Variants in TRIM7 observed in about 807,000 individuals in gnomAD.
TRIM7 encodes the protein tripartite motif containing 7, also known as E3 ubiquitin-protein ligase TRIM7.
A neutral mutation model predicts 37.9 loss-of-function variants in TRIM7; 32 were observed. The ratio of observed to expected loss-of-function variants is 0.84; its 90% CI spans 0.64 to 1.13. The LOEUF (loss-of-function observed/expected upper bound fraction) is 1.13, where lower values mean the gene tolerates loss of function less well. Among genes scored for constraint, TRIM7 ranks in the 50% most tolerant of loss-of-function variants. TRIM7 has a pLI of 0.00. For missense variants in TRIM7, 732 were observed against 714.0 expected, an observed-to-expected ratio of 1.03 and a Z score of -0.29; for synonymous variants, 351 against 321.3, an observed-to-expected ratio of 1.09 and a Z score of -0.99.
chr5:181,204,129 C>T (rs929873795), intron 1 of TRIM7: 7 of 999,250 alleles, frequency 7.0e-6, no homozygotes, highest in African/African-American at 3.5e-5. Context: ...GAGCCCCCTC[C>T]CTGGACATCT....
At chr5:181,197,932 G>C (rs183673346) in intron 6 of TRIM7, 79 of 550,232 alleles carry the variant, frequency 1.4e-4, no homozygotes, top group African/African-American at 1.2e-3. Context: ...GCCTTTCCCA[G>C]TCTGAGTATC....
chr5:181,204,876 G>C lies in TRIM7; in HGVS notation c.235C>G (p.Pro79Ala). The C allele has an allele frequency of 7.4e-7, 1 of 1,357,562 alleles. No individual in the cohort carries two copies. Among genetic ancestry groups the C allele is most frequent in the Non-Finnish European group, 9.4e-7 (1 of 1,065,082 alleles). 84.1% of individuals were successfully genotyped at this position (1,357,562 alleles called of 1,614,324 possible). ...TRAPPFPLPC[P>A]QCREPARPSQ... ...GGGCGCGCGGGCTCGCGGCACTGCGGACAGGGCAGTGGGAAGGGGGGCGCG... is the reference window on the plus strand; with the variant it reads ...GGGCGCGCGGGCTCGCGGCACTGCGCACAGGGCAGTGGGAAGGGGGGCGCG... The change falls in exon 1 of 7, where the codon CCG becomes GCG. Residue 79 changes from proline to alanine, a missense_variant. Pro to Ala is a conservative substitution (Grantham distance 27, BLOSUM62 -1). Transcript: ENST00000274773.
rs1333904586 is a variant in TRIM7, at chr5:181,195,562, G to A, written c.1140C>T (p.Phe380=). 1.2e-6 allele frequency: 2 copies of A among 1,610,460 alleles called. No homozygotes were observed. The highest frequency in any genetic ancestry group is 2.2e-5 in the South Asian group (2 of 90,912). Residue 380 remains phenylalanine (F), a synonymous_variant, in exon 7 of 7, where the codon TTC becomes TTT. Coordinates refer to ENST00000274773, the MANE Select transcript of TRIM7 (RefSeq NM_203293.3). The part of the protein sequence containing the change: ...AQDLPNHPCR[F]DTNTRVLASC... ...ACGCCAGGACGCGGGTGTTGGTGTCGAAGCGGCAGGGGTGGTTGGGCAGGT... is the reference window on the plus strand; with the variant it reads ...ACGCCAGGACGCGGGTGTTGGTGTCAAAGCGGCAGGGGTGGTTGGGCAGGT...
In TRIM7 at chr5:181,203,584, C is replaced by T. The variant is rs760180048; in HGVS notation, c.579G>A (p.Val193=). The T allele has an allele frequency of 4.3e-6, 7 of 1,614,154 alleles. No individual in the cohort carries two copies. Residue 193 remains valine (V), a synonymous_variant, in exon 2 of 7, where the codon GTG becomes GTA. Coordinates refer to ENST00000274773, the MANE Select transcript of TRIM7 (RefSeq NM_203293.3). ...TCTCCTTCTTTTCCGTGGACCGGAA[C>T]ACCTCACAGTCCTCCAGTTCCTTCT... The part of the protein sequence containing the change: ...VLKKELEDCE[V]FRSTEKKESK...
At chr5:181,198,579 C>A in intron 5 of TRIM7, 111 bp downstream of exon 5, 1 of 786,730 alleles carries the variant, frequency 1.3e-6, no homozygotes, top group South Asian at 1.5e-5. Flanking sequence ...GCACAGCCAG[C>A]TCCTATTTTC....
intron 6 of TRIM7, chr5:181,196,881 AGGT>A (rs1757156208): frequency 2.0e-5 from 3 of 152,184 alleles, no homozygotes; most frequent in Admixed American, 2.0e-4. Context: ...AGTTAAGGCC[AGGT>A]GTAGAGGCTC....
In TRIM7 at chr5:181,204,323, C is replaced by A. The variant is rs1025092006; in HGVS notation, c.522+266G>T. Reference sequence around the variant, plus strand: ...CAGACAGGAAGAACATCGCCAAGTCCGTGGGGGACGTCGCGCAGGCGGCCC... The same window carrying A: ...CAGACAGGAAGAACATCGCCAAGTCAGTGGGGGACGTCGCGCAGGCGGCCC... On this transcript the variant is annotated intron_variant, in intron 1 of 6. Coordinates refer to ENST00000274773, the MANE Select transcript of TRIM7 (RefSeq NM_203293.3). 1.4e-4 allele frequency: 166 copies of A among 1,181,426 alleles called. No individual in the cohort carries two copies. The Admixed American group carries it at 1.6e-3, about 11-fold the overall frequency. The allele number at this position is 1,181,426 out of a possible 1,614,324, so 73.2% of individuals were successfully genotyped here.
chr5:181,199,257 A>T, intron 3 of TRIM7, 140 bp from the exon 4 acceptor site: 1 of 922,066 alleles, frequency 1.1e-6, no homozygotes, highest in Non-Finnish European at 1.7e-6. Flanking sequence ...CGTGGGCCTC[A>T]GGGGCAGCAG....
chr5:181,203,748 G>T, intron 1 of TRIM7, 108 bp from the exon 2 acceptor site: 1 of 1,491,866 alleles, frequency 6.7e-7, no homozygotes, highest in South Asian at 1.4e-5. Context: ...TGCTCACTGA[G>T]GGGGAGGCCG....
rs1296085259 is a variant in TRIM7, at chr5:181,204,951, C to T, written c.160G>A (p.Gly54Arg). The change falls in exon 1 of 7, where the codon GGG becomes AGG. Residue 54 changes from glycine to arginine, a missense_variant. Physicochemically the swap from Gly to Arg is moderately radical, Grantham distance 125 (BLOSUM62 -2). Transcript: ENST00000274773. ...GCGCCCGGGCGCTCCCAGCAGCGCCCTATGCAGGCGCGGCAGAAGCTGTGG... is the reference window on the plus strand; with the variant it reads ...GCGCCCGGGCGCTCCCAGCAGCGCCTTATGCAGGCGCGGCAGAAGCTGTGG... ...CGHSFCRACI[G>R]RCWERPGAGS... 2.7e-6 allele frequency: 4 copies of T among 1,461,098 alleles called. No homozygotes were observed. The East Asian group carries it at 1.2e-4, about 43-fold the overall frequency. 90.5% of individuals were successfully genotyped at this position (1,461,098 alleles called of 1,614,324 possible). A position where few individuals can be genotyped will look rare whatever the true frequency, so the allele number is the denominator to read the frequency against.
chr5:181,201,639 C>T (rs571012127), intron 2 of TRIM7, among the ~76,000 whole-genome samples: 1 of 152,334 alleles, frequency 6.6e-6, no homozygotes, highest in Non-Finnish European at 1.5e-5. Flanking sequence ...TAGTAGTGCA[C>T]ACCTGTAGTC....
Position 181,200,003 on chromosome 5 carries a change from G to A in TRIM7, c.697C>T (p.Arg233Trp), listed in dbSNP as rs1472073947. Reference sequence around the variant, plus strand: ...AGTTCCTCCAGGCGGCCTAGCAGCCGACCCTCCTGCTCCACCAGGAAAGCC... The same window carrying A: ...AGTTCCTCCAGGCGGCCTAGCAGCCAACCCTCCTGCTCCACCAGGAAAGCC... ...LRAFLVEQEG[R>W]LLGRLEELSR... Residue 233 changes from arginine (R) to tryptophan (W), a missense_variant, in exon 3 of 7, where the codon CGG becomes TGG. Physicochemically the swap from Arg to Trp is moderately radical, Grantham distance 101 (BLOSUM62 -3). Coordinates refer to ENST00000274773, the MANE Select transcript of TRIM7 (RefSeq NM_203293.3). 3.1e-6 allele frequency: 5 copies of A among 1,614,114 alleles called. No individual in the cohort carries two copies. The highest frequency in any genetic ancestry group is 2.2e-5 in the East Asian group (1 of 44,900).
rs1234874567 is a variant in TRIM7 at position 181,199,825 on chromosome 5, C to G, written c.849+26G>C. 10 of 1,597,530 alleles carry G rather than the reference C, an allele frequency of 6.3e-6. 1 individual carries two copies. Among genetic ancestry groups the G allele is most frequent in the South Asian group, 2.3e-5 (2 of 87,870 alleles). On this transcript the variant is annotated intron_variant, in intron 3 of 6. Coordinates refer to ENST00000274773, the MANE Select transcript of TRIM7 (RefSeq NM_203293.3). ...TCCTGATGCCTTAGGATAAATGACT[C>G]GAGCCCCTGGCTGAGCCAGACTTAC...
chr5:181,195,349 C>A lies in TRIM7; in HGVS notation c.1353G>T (p.Ser451=), dbSNP rs200771114. The change falls in exon 7 of 7, where the codon TCG becomes TCT. Residue 451 remains serine, a synonymous_variant. Coordinates refer to ENST00000274773, the MANE Select transcript of TRIM7 (RefSeq NM_203293.3). ...GCGACAGGTGCCCGCAGCTGAGGGGCGACCGCTCGGGGCTGGTCACGGCCC... is the reference window on the plus strand; with the variant it reads ...GCGACAGGTGCCCGCAGCTGAGGGGAGACCGCTCGGGGCTGGTCACGGCCC... ...QYWAVTSPER[S]PLSCGHLSRV... is the part of the protein sequence containing the mutation. 8 of 1,581,716 alleles carry A rather than the reference C, an allele frequency of 5.1e-6. No homozygotes were observed. In the East Asian group the frequency reaches 1.9e-4, roughly 37 times the overall value.
chr5:181,198,584 A>G (rs753070208), intron 5 of TRIM7, 106 bp downstream of exon 5: 21 of 820,914 alleles, frequency 2.6e-5, no homozygotes, highest in Middle Eastern at 6.2e-4. Context: ...GCCAGCTCCT[A>G]TTTTCACACA....
At chr5:181,198,852 C>T in intron 4 of TRIM7, 47 bp from the exon 5 acceptor site, 1 of 1,463,950 alleles carries the variant, frequency 6.8e-7, no homozygotes, top group Non-Finnish European at 9.5e-7. Flanking sequence ...CCATTTTGCT[C>T]CCACAGGCTG....
At position 181,195,419 on chromosome 5, in the gene TRIM7, G is replaced by A. The variant is rs866034388; in HGVS notation, c.1283C>T (p.Pro428Leu). The A allele has an allele frequency of 1.2e-6, 2 of 1,600,724 alleles. No individual in the cohort carries two copies. The highest frequency in any genetic ancestry group is 1.1e-5 in the South Asian group (1 of 89,918). The part of the protein sequence containing the change: ...VRRKGLTPFT[P>L]EEGVWALQLN... Reference sequence around the variant, plus strand: ...CTGCAGGGCCCAGACGCCCTCCTCGGGAGTGAAGGGCGTCAGGCCCTTTCG... The same window carrying A: ...CTGCAGGGCCCAGACGCCCTCCTCGAGAGTGAAGGGCGTCAGGCCCTTTCG... Residue 428 changes from proline (P) to leucine (L), a missense_variant, in exon 7 of 7, where the codon CCC (proline) becomes CTC (leucine). Pro to Leu is a moderately conservative substitution (Grantham distance 98). Transcript: ENST00000274773.
Position 181,205,069 on chromosome 5 carries a change from G to A in TRIM7, c.42C>T (p.Ala14=). The part of the protein sequence containing the change: ...VGPRTGPGTG[A]EALALAAELQ... ...GCTCTGCCGCCAGCGCTAGAGCCTC[G>A]GCGCCGGTTCCGGGGCCGGTCCGCG... is the stretch of plus-strand genomic sequence containing the variant. Residue 14 remains alanine, a synonymous_variant, in exon 1 of 7, where the codon GCC becomes GCT. Transcript: ENST00000274773. 1 of 1,374,848 alleles carries A rather than the reference G, an allele frequency of 7.3e-7. No individual in the cohort carries two copies. Among genetic ancestry groups the A allele is most frequent in the South Asian group, 1.6e-5 (1 of 61,606 alleles). The allele number at this position is 1,374,848 out of a possible 1,614,324, so 85.2% of individuals were successfully genotyped here. A position where few individuals can be genotyped will look rare whatever the true frequency, so the allele number is the denominator to read the frequency against.
At chr5:181,204,471 G>A (rs1273786099) in intron 1 of TRIM7, 118 bp downstream of exon 1, 1 of 1,192,956 alleles carries the variant, frequency 8.4e-7, no homozygotes, top group Admixed American at 4.2e-5. Flanking sequence ...GAGAAAGAAG[G>A]GAGGGGCTCA....
Sources: gnomAD v4.1 joint callset for allele counts (sites outside exome capture counted in the v4.1 genomes callset) on GRCh38, gnomAD v4.1.1 for gene constraint, MANE v1.5 for transcripts, NCBI Gene and HGNC (gene_info 2026-07-23, HGNC 2026-07-21) for gene names.